ZNF577: variants seen among roughly 807,000 people sequenced by gnomAD.
The protein encoded by ZNF577 is zinc finger protein 577.
A neutral mutation model predicts 13.9 loss-of-function variants in ZNF577; 14 were observed. The ratio of observed to expected loss-of-function variants is 1.00; its 90% CI spans 0.66 to 1.57. The LOEUF is 1.57. Ranked by LOEUF, ZNF577 falls within the 40% of genes most tolerant of loss-of-function variation. The probability of loss-of-function intolerance (pLI) is 0.00; values close to 1 mark genes in which losing one functional copy is unlikely to be tolerated. For missense variants in ZNF577, 555 were observed against 579.2 expected (o/e 0.96, Z 0.43); for synonymous variants, 203 against 202.9 (o/e 1.00, Z 0.00).
At chr19:51,840,068 T>C (rs2122538871) in exon 9 of ZNF577, 1 of 152,342 alleles carries the variant, frequency 6.6e-6, no homozygotes, top group East Asian at 1.9e-4. Context: ...TGGAAGATGC[T>C]TCTTACAGAT....
intron 5 of ZNF577, among the ~76,000 whole-genome samples, chr19:51,853,951 G>A (rs545530405): frequency 1.3e-5 from 2 of 151,040 alleles, no homozygotes; most frequent in Non-Finnish European, 2.9e-5. Flanking sequence ...ATAGAAGAGC[G>A]AGATAGATTA....
Position 51,872,861 on chromosome 19 carries a change from T to A in ZNF577, c.1129A>T (p.Ile377Leu). 1 of 1,614,196 alleles carries A rather than the reference T, an allele frequency of 6.2e-7. No homozygotes were observed. Among genetic ancestry groups the A allele is most frequent in the Non-Finnish European group, 8.5e-7 (1 of 1,180,032 alleles). The change falls in exon 6 of 6, where the codon ATA (isoleucine) becomes TTA (leucine). Residue 377 changes from isoleucine (I) to leucine (L), a missense_variant. By Grantham distance (5) the Ile-to-Leu change is conservative. Transcript: ENST00000638348. The part of the protein sequence containing the change: ...SVLIKHEKTH[I>L]RETAINSLTV... Reference sequence around the variant, plus strand: ...AGTGAATTTATGGCTGTCTCTCTTATGTGAGTTTTCTCATGTTTAATGAGG... The same window carrying A: ...AGTGAATTTATGGCTGTCTCTCTTAAGTGAGTTTTCTCATGTTTAATGAGG...
intron 10 of ZNF577, among the ~76,000 whole-genome samples, chr19:51,809,236 G>A (rs1027142510): frequency 3.9e-5 from 6 of 152,156 alleles, no homozygotes; most frequent in African/African-American, 1.2e-4. Flanking sequence ...GTACATGACT[G>A]TCCATCTGGA....
At chr19:51,821,184 T>G (rs192450792) in intron 9 of ZNF577, among the ~76,000 whole-genome samples, 1 of 152,146 alleles carries the variant, frequency 6.6e-6, no homozygotes, top group African/African-American at 2.4e-5. Context: ...CACAAAACTG[T>G]CCTTGTTCTG....
In ZNF577 at chr19:51,887,171, T is replaced by C. The variant is rs1227436416; in HGVS notation, c.-569A>G. 1 of 152,038 alleles carries C rather than the reference T, an allele frequency of 6.6e-6. No individual in the cohort carries two copies. Among genetic ancestry groups the C allele is most frequent in the Non-Finnish European group, 1.5e-5 (1 of 68,000 alleles). 9.4% of individuals were successfully genotyped at this position (152,038 alleles called of 1,614,324 possible). A position where few individuals can be genotyped will look rare whatever the true frequency, so the allele number is the denominator to read the frequency against. On this transcript the variant is annotated 5_prime_UTR_variant, in exon 1 of 6. It adds an upstream start codon to the 5' untranslated region. Transcript: ENST00000638348. ...CTACAGATAGTCAAACAAATAAAAA[T>C]ATTGGGTTAATAGAAATCCATCACA...
At chr19:51,847,904 A>T (rs1329602180) in intron 5 of ZNF577, among the ~76,000 whole-genome samples, 1 of 152,102 alleles carries the variant, frequency 6.6e-6, no homozygotes, top group Non-Finnish European at 1.5e-5. Context: ...CAGCTATTAT[A>T]CAAACTCAGT....
chr19:51,881,063 C>CT (rs909190781), intron 1 of ZNF577, among the ~76,000 whole-genome samples, 186 bp from the exon 2 acceptor site: 13 of 151,418 alleles, frequency 8.6e-5, no homozygotes, highest in Admixed American at 4.0e-4. Flanking sequence ...AGAGGAATGC[C>CT]TTTTTTTTTG....
intron 5 of ZNF577, among the ~76,000 whole-genome samples, chr19:51,852,362 T>C (rs1331202592): frequency 6.6e-6 from 1 of 152,218 alleles, no homozygotes; most frequent in Non-Finnish European, 1.5e-5. Context: ...CATTTACACC[T>C]GTCCAAAAGT....
chr19:51,823,983 C>T (rs769430733), intron 9 of ZNF577: 2 of 1,613,978 alleles, frequency 1.2e-6, no homozygotes, highest in African/African-American at 2.7e-5. Flanking sequence ...TGCCATCCTA[C>T]CATTCCGAAT....
rs184523594 is a variant in ZNF577 at position 51,869,184 on chromosome 19, A to G, written c.*3348T>C. On this transcript the variant is annotated 3_prime_UTR_variant, in exon 6 of 6. Coordinates refer to ENST00000638348, the MANE Select transcript of ZNF577 (RefSeq NM_001370449.1). The stretch of plus-strand genomic sequence containing the variant: ...AGAGGAAGGCCTCTTTGCAGTTGAG[A>G]TAAGAGGAAGGCATCTGTCTCTTGC... Among the ~76,000 whole-genome samples, 818 of 152,246 alleles carry G rather than the reference A, an allele frequency of 5.4e-3. 8 individuals carry two copies. The highest frequency in any genetic ancestry group is 0.017 in the African/African-American group (708 of 41,544).
At chr19:51,863,134 G>C (rs911541620), downstream of ZNF577, 6 of 152,176 alleles carry the variant, frequency 3.9e-5, no homozygotes, top group African/African-American at 1.4e-4. Context: ...ACTGGGAAGG[G>C]CTCTCCTAAA....
At chr19:51,823,980 C>T in intron 9 of ZNF577, 1 of 1,614,052 alleles carries the variant, frequency 6.2e-7, no homozygotes, top group Non-Finnish European at 8.5e-7. Flanking sequence ...CAGTGCCATC[C>T]TACCATTCCG....
In ZNF577 at chr19:51,857,340, A is replaced by G. The variant is rs74941768; in HGVS notation, c.284-12409T>C. ...GGAAAAGAAAAGGAGAAAGGAGAGAAAGAAAGAGAGAAAGAAAGAAGGAAG... is the reference window on the plus strand; with the variant it reads ...GGAAAAGAAAAGGAGAAAGGAGAGAGAGAAAGAGAGAAAGAAAGAAGGAAG... On this transcript the variant is annotated intron_variant and NMD_transcript_variant, in intron 5 of 10. Coordinates refer to the ZNF577 transcript ENST00000638827. 2.5e-3 allele frequency among the ~76,000 whole-genome samples: 216 copies of G among 88,056 alleles called. 2 individuals are homozygous for G. The highest frequency in any genetic ancestry group is 7.1e-3 in the African/African-American group (123 of 17,320). 57.8% of individuals were successfully genotyped at this position (88,056 alleles called of 152,430 possible). A position where few individuals can be genotyped will look rare whatever the true frequency, so the allele number is the denominator to read the frequency against.
chr19:51,880,506 C>T, intron 2 of ZNF577, 105 bp from the exon 3 acceptor site: 1 of 911,156 alleles, frequency 1.1e-6, no homozygotes, highest in East Asian at 2.4e-5. Context: ...ACCCCCTGAT[C>T]CATATATCTT....
chr19:51,826,738 A>G (rs918126131), intron 9 of ZNF577, among the ~76,000 whole-genome samples: 6 of 152,212 alleles, frequency 3.9e-5, no homozygotes, highest in Admixed American at 1.3e-4. Context: ...AGGCTGAGAG[A>G]TTATGGTTTT....
At chr19:51,836,411 G>A (rs192110339) in intron 9 of ZNF577, among the ~76,000 whole-genome samples, 19 of 152,260 alleles carry the variant, frequency 1.2e-4, no homozygotes, top group Admixed American at 3.3e-4. Flanking sequence ...TTCTGACGGG[G>A]GTAAGATAAT....
intron 5 of ZNF577, among the ~76,000 whole-genome samples, chr19:51,851,379 G>C (rs2122564271): frequency 6.6e-6 from 1 of 152,186 alleles, no homozygotes; most frequent in East Asian, 1.9e-4. Flanking sequence ...CTTTCAAATA[G>C]CTCAGTAGGA....
intron 5 of ZNF577, among the ~76,000 whole-genome samples, chr19:51,857,624 C>A (rs1166458818): frequency 6.6e-6 from 1 of 152,148 alleles, no homozygotes; most frequent in Non-Finnish European, 1.5e-5. Flanking sequence ...AACCGATGTT[C>A]TTCAAAGCTC....
intron 5 of ZNF577, among the ~76,000 whole-genome samples, chr19:51,857,443 A>G (rs560333717): frequency 3.3e-5 from 5 of 149,472 alleles, no homozygotes; most frequent in African/African-American, 1.3e-4. Flanking sequence ...AAAAACAAAG[A>G]AAGGAAGGAG....
Sources: allele counts gnomAD v4.1 joint callset (sites outside exome capture counted in the v4.1 genomes callset), GRCh38; gene constraint gnomAD v4.1.1; transcripts MANE v1.5; gene names NCBI Gene and HGNC (gene_info 2026-07-23, HGNC 2026-07-21).